Variants in PLPP4 observed in about 807,000 individuals in gnomAD.
PLPP4 encodes the protein phospholipid phosphatase 4.
In PLPP4, 20 loss-of-function variants were observed where a neutral mutation model predicts 32.2. The ratio of observed to expected loss-of-function variants is 0.62; its 90% CI spans 0.44 to 0.90. The LOEUF (loss-of-function observed/expected upper bound fraction) is 0.90. Ranked by LOEUF, PLPP4 falls within the 40% of genes least tolerant of loss-of-function variation. PLPP4 has a pLI of 0.00. For synonymous variants in PLPP4, 127 were observed against 133.0 expected, an observed-to-expected ratio of 0.95 and a Z score of 0.31; for missense variants, 257 against 353.1, an observed-to-expected ratio of 0.73 and a Z score of 2.18.
At chr10:120,497,173 G>T (rs1845007779) in intron 1 of PLPP4, among the ~76,000 whole-genome samples, 1 of 152,090 alleles carries the variant, frequency 6.6e-6, no homozygotes, top group African/African-American at 2.4e-5. Context: ...TGGTGCTTTT[G>T]TGATTTAGCA....
intron 5 of PLPP4, among the ~76,000 whole-genome samples, chr10:120,538,807 T>G (rs1177171509): frequency 1.3e-5 from 2 of 152,222 alleles, no homozygotes; most frequent in Non-Finnish European, 2.9e-5. Flanking sequence ...TATTTAATCC[T>G]CAAAATCTCT....
chr10:120,558,354 ATTC>A (rs1181108564), intron 5 of PLPP4, among the ~76,000 whole-genome samples: 1 of 149,834 alleles, frequency 6.7e-6, no homozygotes, highest in East Asian at 1.9e-4. Flanking sequence ...ATTTTTTGAG[ATTC>A]TTCTATTTAT....
At chr10:120,481,152 G>T (rs1177831364) in intron 1 of PLPP4, among the ~76,000 whole-genome samples, 1 of 152,208 alleles carries the variant, frequency 6.6e-6, no homozygotes, top group Non-Finnish European at 1.5e-5. Context: ...GCATGGGGTG[G>T]AGTCTGGGTC....
chr10:120,470,029 T>A (rs530410131), intron 1 of PLPP4, among the ~76,000 whole-genome samples: 2 of 152,354 alleles, frequency 1.3e-5, no homozygotes, highest in African/African-American at 4.8e-5. Flanking sequence ...ACATTTTAAA[T>A]TCAGATGAAT....
At chr10:120,503,656 A>G in intron 1 of PLPP4, 162 bp from the exon 2 acceptor site, 1 of 1,598,450 alleles carries the variant, frequency 6.3e-7, no homozygotes, top group South Asian at 1.1e-5. Context: ...GTCCTTCCCA[A>G]GCCTTTGAAC....
intron 1 of PLPP4, among the ~76,000 whole-genome samples, chr10:120,482,178 G>A (rs1844237095): frequency 6.6e-6 from 1 of 152,228 alleles, no homozygotes; most frequent in African/African-American, 2.4e-5. Flanking sequence ...AAATGTGGAA[G>A]CGACTTTGGA....
chr10:120,499,423 A>T (rs1226129375), intron 1 of PLPP4, among the ~76,000 whole-genome samples: 66 of 147,266 alleles, frequency 4.5e-4, no homozygotes, highest in South Asian at 8.5e-4. Context: ...TTTTTTTTTT[A>T]AATGGCAACA....
chr10:120,563,514 T>C (rs1052700241), intron 5 of PLPP4, among the ~76,000 whole-genome samples: 5 of 151,900 alleles, frequency 3.3e-5, no homozygotes, highest in Non-Finnish European at 5.9e-5. Context: ...AAATCTTGAA[T>C]TTTAGGCCGG....
intron 6 of PLPP4, among the ~76,000 whole-genome samples, chr10:120,584,021 G>C (rs1407325331): frequency 6.6e-6 from 1 of 152,134 alleles, no homozygotes; most frequent in African/African-American, 2.4e-5. Flanking sequence ...CCAGATGACT[G>C]GTCAATTTGT....
chr10:120,538,872 A>G (rs528699401), intron 5 of PLPP4, among the ~76,000 whole-genome samples: 23 of 152,318 alleles, frequency 1.5e-4, no homozygotes, highest in Non-Finnish European at 3.4e-4. Context: ...GAGAGAGGGC[A>G]ATAGTTTGTC....
intron 1 of PLPP4, among the ~76,000 whole-genome samples, chr10:120,480,039 G>A (rs936084347): frequency 1.3e-5 from 2 of 152,212 alleles, no homozygotes; most frequent in Non-Finnish European, 2.9e-5. Flanking sequence ...TGTTAAAATT[G>A]TATGTAAAGT....
chr10:120,481,305 C>T (rs1446599667), intron 1 of PLPP4, among the ~76,000 whole-genome samples: 2 of 152,172 alleles, frequency 1.3e-5, no homozygotes, highest in Non-Finnish European at 2.9e-5. Flanking sequence ...CATGTGCAGG[C>T]TGTCATGGAT....
At chr10:120,535,728 C>T (rs1846986215) in intron 5 of PLPP4, among the ~76,000 whole-genome samples, 1 of 152,046 alleles carries the variant, frequency 6.6e-6, no homozygotes, top group South Asian at 2.1e-4. Context: ...TTATCTCTTC[C>T]TGTTTCATGA....
chr10:120,578,089 A>G (rs1354601974), intron 6 of PLPP4, among the ~76,000 whole-genome samples: 1 of 152,204 alleles, frequency 6.6e-6, no homozygotes, highest in Non-Finnish European at 1.5e-5. Context: ...CCAAATGTCA[A>G]TACTGCCCAG....
At chr10:120,497,783 G>C (rs1805169908) in intron 1 of PLPP4, among the ~76,000 whole-genome samples, 1 of 152,154 alleles carries the variant, frequency 6.6e-6, no homozygotes, top group South Asian at 2.1e-4. Flanking sequence ...GCTCACACCT[G>C]TAATCCCAGC....
At chr10:120,581,204 T>C in intron 6 of PLPP4, 1 of 985,446 alleles carries the variant, frequency 1.0e-6, no homozygotes, top group Non-Finnish European at 1.2e-6. Context: ...CGTTGATTGC[T>C]CCCAAGTCTC....
At chr10:120,523,063 C>T (rs1846228090) in intron 5 of PLPP4, among the ~76,000 whole-genome samples, 1 of 152,190 alleles carries the variant, frequency 6.6e-6, no homozygotes, top group East Asian at 1.9e-4. Flanking sequence ...TTTGGGAGCC[C>T]AAGGCGGGTG....
chr10:120,560,000 A>G (rs1011401749), intron 5 of PLPP4, among the ~76,000 whole-genome samples: 7 of 152,214 alleles, frequency 4.6e-5, no homozygotes, highest in African/African-American at 1.4e-4. Flanking sequence ...AAGTGTTTTG[A>G]ATATCTACCT....
chr10:120,566,557 T>TG (rs974408764), intron 5 of PLPP4, among the ~76,000 whole-genome samples: 1 of 151,452 alleles, frequency 6.6e-6, no homozygotes, highest in African/African-American at 2.4e-5. Context: ...TTTTTTTTTT[T>TG]TGTCAGACGG....
Sources: allele counts gnomAD v4.1 joint callset (sites outside exome capture counted in the v4.1 genomes callset), GRCh38; gene constraint gnomAD v4.1.1; transcripts MANE v1.5; gene names NCBI Gene and HGNC (gene_info 2026-07-23, HGNC 2026-07-21).